AGBL4: variants seen among roughly 807,000 people sequenced by gnomAD.
AGBL4 encodes the protein cytosolic carboxypeptidase 6.
AGBL4 carries 58 observed loss-of-function variants against 66.4 expected under a neutral mutation model. That is an observed-to-expected ratio of 0.87 (90% confidence interval 0.71 to 1.09). The LOEUF is 1.09. Ranked by LOEUF, AGBL4 falls within the 50% of genes least tolerant of loss-of-function variation. The pLI, the probability that AGBL4 is intolerant of heterozygous loss-of-function variation, is 0.00. For synonymous variants in AGBL4, 234 were observed against 222.9 expected (o/e 1.05, Z -0.44); for missense variants, 579 against 631.0 (o/e 0.92, Z 0.88).
intron 3 of AGBL4, among the ~76,000 whole-genome samples, chr1:49,615,175 A>C (rs1645227638): frequency 6.6e-6 from 1 of 152,104 alleles, no homozygotes; most frequent in Non-Finnish European, 1.5e-5. Flanking sequence ...TCTGACAATA[A>C]ACCTACATAG....
chr1:49,441,742 G>T (rs928798983), intron 3 of AGBL4, among the ~76,000 whole-genome samples: 1 of 152,156 alleles, frequency 6.6e-6, no homozygotes, highest in African/African-American at 2.4e-5. Flanking sequence ...GAGGTGGCAG[G>T]GGCCAAGTGC....
At chr1:48,653,267 G>T (rs759787328) in intron 8 of AGBL4, 70 bp downstream of exon 8, 1 of 1,205,802 alleles carries the variant, frequency 8.3e-7, no homozygotes, top group Non-Finnish European at 1.2e-6. Flanking sequence ...AATATATCCC[G>T]TATTTTTTCT....
At chr1:49,428,293 A>G (rs1392925176) in intron 3 of AGBL4, among the ~76,000 whole-genome samples, 1 of 152,220 alleles carries the variant, frequency 6.6e-6, no homozygotes, top group Non-Finnish European at 1.5e-5. Flanking sequence ...CCACAGATTC[A>G]TAGTGGGCAA....
Position 49,505,672 on chromosome 1 carries a change from T to C in AGBL4, c.282+191641A>G, listed in dbSNP as rs151132845. Among the ~76,000 whole-genome samples, 382 of 152,182 alleles carry C rather than the reference T, an allele frequency of 2.5e-3. 3 individuals are homozygous for C. The highest frequency in any genetic ancestry group is 3.9e-3 in the Admixed American group (60 of 15,280). Reference sequence around the variant, plus strand: ...TGTTTTCAGGATTCTCTTTTGTCTTTGATTTTTCACAGTCTGATTTAATAT... The same window carrying C: ...TGTTTTCAGGATTCTCTTTTGTCTTCGATTTTTCACAGTCTGATTTAATAT... On this transcript the variant is annotated intron_variant, in intron 3 of 13. Transcript: ENST00000371839.
At chr1:49,665,286 G>GT (rs570197771) in intron 3 of AGBL4, among the ~76,000 whole-genome samples, 45 of 151,788 alleles carry the variant, frequency 3.0e-4, no homozygotes, top group African/African-American at 7.0e-4. Context: ...CAAATGGCCT[G>GT]TTTTTTTTGT....
intron 1 of AGBL4, among the ~76,000 whole-genome samples, chr1:49,895,972 CT>C (rs1649164438): frequency 6.8e-6 from 1 of 147,724 alleles, no homozygotes; most frequent in South Asian, 2.1e-4. Context: ...ATCCAACTAT[CT>C]GTTGCCTACA....
intron 5 of AGBL4, among the ~76,000 whole-genome samples, chr1:48,935,873 C>T (rs889325119): frequency 1.4e-5 from 2 of 138,448 alleles, no homozygotes; most frequent in Non-Finnish European, 3.1e-5. Context: ...GCAGGAGAAT[C>T]GCTTGAACCT....
chr1:49,351,320 G>A (rs1329574375), intron 3 of AGBL4, among the ~76,000 whole-genome samples: 3 of 152,062 alleles, frequency 2.0e-5, no homozygotes, highest in Non-Finnish European at 2.9e-5. Context: ...GTCTTTTCAG[G>A]TTCCAGATGA....
chr1:49,327,159 C>T (rs1645243775), intron 3 of AGBL4, among the ~76,000 whole-genome samples: 2 of 152,164 alleles, frequency 1.3e-5, no homozygotes, highest in Non-Finnish European at 2.9e-5. Context: ...GCATAATCGT[C>T]TCATCTCAGA....
intron 6 of AGBL4, among the ~76,000 whole-genome samples, chr1:48,846,187 A>G (rs912365153): frequency 6.6e-6 from 1 of 152,144 alleles, no homozygotes; most frequent in Non-Finnish European, 1.5e-5. Flanking sequence ...TGTCCCACCC[A>G]TAAGTATAGG....
chr1:49,817,377 C>G (rs1645257768), intron 2 of AGBL4, among the ~76,000 whole-genome samples: 1 of 152,130 alleles, frequency 6.6e-6, no homozygotes, highest in South Asian at 2.1e-4. Flanking sequence ...TTTCCAGCTT[C>G]CTTTATGCAC....
At chr1:49,254,337 GT>G (rs1385293776) in intron 3 of AGBL4, among the ~76,000 whole-genome samples, 1 of 152,054 alleles carries the variant, frequency 6.6e-6, no homozygotes, top group Non-Finnish European at 1.5e-5. Flanking sequence ...CAAAATCAAA[GT>G]GTAAAAATCA....
intron 2 of AGBL4, among the ~76,000 whole-genome samples, chr1:49,720,970 G>C (rs1648560233): frequency 6.6e-6 from 1 of 152,066 alleles, no homozygotes; most frequent in Admixed American, 6.6e-5. Flanking sequence ...GAGAGGCGAA[G>C]CCAGCTGGAC....
At chr1:48,740,943 G>A (rs1321356624) in intron 6 of AGBL4, among the ~76,000 whole-genome samples, 1 of 152,108 alleles carries the variant, frequency 6.6e-6, no homozygotes, top group Admixed American at 6.6e-5. Context: ...GCAACATGCT[G>A]GCAAAAACCA....
intron 1 of AGBL4, among the ~76,000 whole-genome samples, chr1:49,904,930 A>G (rs1008712719): frequency 6.6e-6 from 1 of 152,196 alleles, no homozygotes; most frequent in African/African-American, 2.4e-5. Flanking sequence ...AGATTTCAAG[A>G]GTGACAAAAA....
downstream of AGBL4, among the ~76,000 whole-genome samples, chr1:48,528,331 A>G (rs1386407284): frequency 6.6e-6 from 1 of 152,156 alleles, no homozygotes; most frequent in East Asian, 1.9e-4. Flanking sequence ...GAGCAATTAG[A>G]TGGAAAAAGA....
intron 5 of AGBL4, among the ~76,000 whole-genome samples, chr1:48,967,207 T>A (rs1658515794): frequency 1.3e-5 from 2 of 152,042 alleles, no homozygotes; most frequent in Admixed American, 6.6e-5. Flanking sequence ...ATTGATTTCA[T>A]ATGGCCAAGG....
intron 1 of AGBL4, among the ~76,000 whole-genome samples, chr1:49,891,640 T>G (rs945447019): frequency 6.6e-6 from 1 of 152,154 alleles, no homozygotes; most frequent in African/African-American, 2.4e-5. Flanking sequence ...AAAAATTACG[T>G]TGGTGAAGAA....
At chr1:49,876,967 G>A (rs1429445028) in intron 1 of AGBL4, among the ~76,000 whole-genome samples, 17 of 151,590 alleles carry the variant, frequency 1.1e-4, no homozygotes, top group East Asian at 1.9e-4. Flanking sequence ...TTTGTCTGTT[G>A]TTGGTGTATA....
Sources: gnomAD v4.1 joint callset for allele counts (sites outside exome capture counted in the v4.1 genomes callset) on GRCh38, gnomAD v4.1.1 for gene constraint, MANE v1.5 for transcripts, NCBI Gene and HGNC (gene_info 2026-07-23, HGNC 2026-07-21) for gene names.